CELA3A: variants seen among roughly 807,000 people sequenced by gnomAD.
CELA3A encodes the protein chymotrypsin-like elastase family member 3A.
A neutral mutation model predicts 38.6 loss-of-function variants in CELA3A; 35 were observed. That is an observed-to-expected ratio of 0.91 (90% CI 0.69 to 1.20). The LOEUF is 1.20. Among genes scored for constraint, CELA3A ranks in the 50% most tolerant of loss-of-function variants. The probability of loss-of-function intolerance (pLI) is 0.00; values close to 1 mark genes in which losing one functional copy is unlikely to be tolerated. For missense variants in CELA3A, 343 were observed against 354.2 expected (o/e 0.97, Z 0.25); for synonymous variants, 143 against 136.7 (o/e 1.05, Z -0.32).
intron 6 of CELA3A, among the ~76,000 whole-genome samples, chr1:22,009,401 C>T (rs749328182): frequency 8.6e-5 from 13 of 150,514 alleles, no homozygotes; most frequent in African/African-American, 1.5e-4. Context: ...AAAAATTAGC[C>T]GGGTGTGGTG....
intron 7 of CELA3A, 39 bp downstream of exon 7, chr1:22,009,896 T>C: frequency 1.3e-6 from 2 of 1,590,052 alleles, no homozygotes; most frequent in South Asian, 2.2e-5. Context: ...TTTAGGGTGG[T>C]GGCTCTTCTG....
At chr1:22,002,949 C>A in intron 1 of CELA3A, 54 bp from the exon 2 acceptor site, 1 of 1,515,854 alleles carries the variant, frequency 6.6e-7, no homozygotes, top group Non-Finnish European at 9.0e-7. Context: ...CCCTGGCCTC[C>A]TCTTTGCTTT....
In CELA3A at chr1:22,011,616, C is replaced by T. The variant is rs1474004063; in HGVS notation, c.796-834C>T. On this transcript the variant is annotated intron_variant, in intron 7 of 7. Coordinates refer to ENST00000290122, the MANE Select transcript of CELA3A (RefSeq NM_005747.5). ...TCTACAAAAATATAAAAAAATTGGC[C>T]AGGCGTGGTAGTGCGTCGCTGTAAT... Among the ~76,000 whole-genome samples the T allele has an allele frequency of 1.6e-5, 2 of 125,632 alleles. 1 individual carries two copies. Among genetic ancestry groups the T allele is most frequent in the Non-Finnish European group, 3.3e-5 (2 of 61,248 alleles). 82.4% of individuals were successfully genotyped at this position (125,632 alleles called of 152,430 possible).
rs1466142620 is a variant in CELA3A at position 22,011,795 on chromosome 1, C to A, written c.796-655C>A. Among the ~76,000 whole-genome samples the A allele has an allele frequency of 3.2e-5, 4 of 125,204 alleles. 1 individual carries two copies. Among genetic ancestry groups the A allele is most frequent in the Non-Finnish European group, 4.9e-5 (3 of 61,138 alleles). 82.1% of individuals were successfully genotyped at this position (125,204 alleles called of 152,430 possible). On this transcript the variant is annotated intron_variant, in intron 7 of 7. Transcript: ENST00000290122. ...AAAGGCCGGGCGTGGTGGCTCACAC[C>A]CGTAATCCCACCACTTTGGGAGGCC... is the stretch of plus-strand genomic sequence containing the variant.
At chr1:22,008,488 G>A (rs529878963) in intron 6 of CELA3A, among the ~76,000 whole-genome samples, 6 of 150,880 alleles carry the variant, frequency 4.0e-5, no homozygotes, top group East Asian at 3.9e-4. Context: ...GGCTGGGCGC[G>A]GTGGCTCACG....
chr1:22,004,865 C>T (rs1324013445), intron 2 of CELA3A, among the ~76,000 whole-genome samples: 2 of 151,256 alleles, frequency 1.3e-5, no homozygotes, highest in Admixed American at 6.6e-5. Flanking sequence ...TTCGGGAGGC[C>T]GAGGTGGGCA....
At chr1:22,008,325 AT>A (rs1644963396) in intron 6 of CELA3A, among the ~76,000 whole-genome samples, 2 of 149,846 alleles carry the variant, frequency 1.3e-5, no homozygotes, top group South Asian at 2.1e-4. Flanking sequence ...TAATTTTTAA[AT>A]TTTTTGTAGA....
intron 7 of CELA3A, among the ~76,000 whole-genome samples, chr1:22,011,405 A>AAAC (rs1644983076): frequency 1.0e-5 from 1 of 97,628 alleles, no homozygotes; most frequent in Admixed American, 1.4e-4. Flanking sequence ...ACAAACAAAC[A>AAAC]AAAAAACAGT....
rs75527968 is a variant in CELA3A, at chr1:22,005,748, A to G, written c.314A>G (p.Glu105Gly). The change falls in exon 4 of 8, where the codon GAG becomes GGG. Residue 105 changes from glutamate (E) to glycine (G), a missense_variant. Physicochemically the swap from Glu to Gly is moderately conservative, Grantham distance 98 (BLOSUM62 -2). Coordinates refer to ENST00000290122, the MANE Select transcript of CELA3A (RefSeq NM_005747.5). ...GAGCAGGTGATCCCCATCAACTCTG[A>G]GGAGCTGTTTGTGCATCCACTCTGG... The part of the protein sequence containing the change: ...GPEQVIPINS[E>G]ELFVHPLWNR... The G allele has an allele frequency of 8.4e-5, 135 of 1,610,346 alleles. 7 individuals carry two copies. The highest frequency in any genetic ancestry group is 7.4e-4 in the African/African-American group (55 of 74,122).
chr1:22,001,706 T>C lies in CELA3A; in HGVS notation c.32T>C (p.Leu11Pro). 6.2e-7 allele frequency: 1 copy of C among 1,612,150 alleles called. No individual in the cohort carries two copies. The highest frequency in any genetic ancestry group is 8.5e-7 in the Non-Finnish European group (1 of 1,179,422). Residue 11 changes from leucine to proline, a missense_variant, in exon 1 of 8, where the codon CTT becomes CCT. Leu to Pro is a moderately conservative substitution (Grantham distance 98). Coordinates refer to ENST00000290122, the MANE Select transcript of CELA3A (RefSeq NM_005747.5). MMLRLLSSLLLVAVASGYGPP... is the reference protein window; with the variant it reads MMLRLLSSLLPVAVASGYGPP... ...CTCCGGCTGCTCAGTTCCCTCCTCC[T>C]TGTGGCCGTTGGTAAGACCCCAACC...
Position 22,007,409 on chromosome 1 carries a change from G to A in CELA3A, c.536G>A (p.Arg179Gln), listed in dbSNP as rs374193746. The A allele has an allele frequency of 2.4e-5, 39 of 1,612,194 alleles. 1 individual carries two copies. Among genetic ancestry groups the A allele is most frequent in the Admixed American group, 1.3e-4 (8 of 59,888 alleles). The change falls in exon 6 of 8, where the codon CGG becomes CAG. Residue 179 changes from arginine to glutamine, a missense_variant. Arg to Gln is a conservative substitution (Grantham distance 43). Coordinates refer to ENST00000290122, the MANE Select transcript of CELA3A (RefSeq NM_005747.5). ...CTCCCAGACAAGCTGCAGCAGGCCC[G>A]GCTGCCCGTGGTGGACTATAAGCAC... ...GPLPDKLQQA[R>Q]LPVVDYKHCS...
intron 6 of CELA3A, among the ~76,000 whole-genome samples, chr1:22,009,103 C>A (rs1407031977): frequency 6.8e-6 from 1 of 148,106 alleles, no homozygotes; most frequent in Non-Finnish European, 1.5e-5. Context: ...CAGTGACTCA[C>A]GCCTGTAATC....
intron 1 of CELA3A, among the ~76,000 whole-genome samples, chr1:22,002,031 A>G (rs140868432): frequency 3.3e-4 from 50 of 150,886 alleles, no homozygotes; most frequent in Middle Eastern, 3.4e-3. Flanking sequence ...CCACAGTTCT[A>G]CTTACCACTC....
Position 22,005,675 on chromosome 1 carries a change from T to G in CELA3A, c.241T>G (p.Tyr81Asp), listed in dbSNP as rs1207562806. 6.2e-7 allele frequency: 1 copy of G among 1,612,404 alleles called. No individual in the cohort carries two copies. Among genetic ancestry groups the G allele is most frequent in the South Asian group, 1.1e-5 (1 of 91,016 alleles). The change falls in exon 4 of 8, where the codon TAC becomes GAC. Residue 81 changes from tyrosine to aspartate, a missense_variant. Physicochemically the swap from Tyr to Asp is radical, Grantham distance 160 (BLOSUM62 -3). Coordinates refer to ENST00000290122, the MANE Select transcript of CELA3A (RefSeq NM_005747.5). ...CTCTGCCTGCAGGAGGGATCTGACC[T>G]ACCAGGTGGTGTTGGGTGAGTACAA... ...AGHCISRDLT[Y>D]QVVLGEYNLA...
chr1:22,008,612 A>G (rs1457893205), intron 6 of CELA3A, among the ~76,000 whole-genome samples: 1 of 150,538 alleles, frequency 6.6e-6, no homozygotes, highest in African/African-American at 2.5e-5. Context: ...ACAAAAAGTT[A>G]GCCGGGTGTG....
rs534687596 is a variant in CELA3A, at chr1:22,002,883, C to T, written c.44-120C>T. 7.9e-5 allele frequency: 71 copies of T among 894,272 alleles called. 3 individuals carry two copies. In the East Asian group the frequency reaches 1.5e-3, roughly 19 times the overall value. 55.4% of individuals were successfully genotyped at this position (894,272 alleles called of 1,614,324 possible). A position where few individuals can be genotyped will look rare whatever the true frequency, so the allele number is the denominator to read the frequency against. On this transcript the variant is annotated intron_variant, in intron 1 of 7. Coordinates refer to ENST00000290122, the MANE Select transcript of CELA3A (RefSeq NM_005747.5). Reference sequence around the variant, plus strand: ...TATGTGGTTACTGAGGTCCAGAGGGCGAAAGGGGCTTGCATGGGGTCACAC... The same window carrying T: ...TATGTGGTTACTGAGGTCCAGAGGGTGAAAGGGGCTTGCATGGGGTCACAC...
In CELA3A at chr1:22,004,474, C is replaced by T. The variant is rs548322897; in HGVS notation, c.130-973C>T. Among the ~76,000 whole-genome samples the T allele has an allele frequency of 1.9e-3, 287 of 150,630 alleles. 6 individuals are homozygous for T. Among genetic ancestry groups the T allele is most frequent in the African/African-American group, 6.6e-3 (269 of 40,606 alleles). Reference sequence around the variant, plus strand: ...TTCCCATGATTATGGGAAGTTTTATCGGAGAGGGTCAGCAGGCTTATTCTG... The same window carrying T: ...TTCCCATGATTATGGGAAGTTTTATTGGAGAGGGTCAGCAGGCTTATTCTG... On this transcript the variant is annotated intron_variant, in intron 2 of 7. Transcript: ENST00000290122.
chr1:22,006,560 G>C (rs2152819539), intron 4 of CELA3A, among the ~76,000 whole-genome samples: 1 of 150,398 alleles, frequency 6.6e-6, no homozygotes, highest in African/African-American at 2.5e-5. Flanking sequence ...AAATTCCTCA[G>C]CCTTAAGAAC....
Position 22,011,678 on chromosome 1 carries a change from C to T in CELA3A, c.796-772C>T, listed in dbSNP as rs1158870287. The stretch of plus-strand genomic sequence containing the variant: ...GGGAGGTTGAGGCAGAAGAATTGCT[C>T]GAACTCAGGAGGCAGAGGTTGCAGT... On this transcript the variant is annotated intron_variant, in intron 7 of 7. Coordinates refer to ENST00000290122, the MANE Select transcript of CELA3A (RefSeq NM_005747.5). Among the ~76,000 whole-genome samples the T allele has an allele frequency of 7.5e-5, 9 of 120,762 alleles. 3 individuals carry two copies. The East Asian group carries it at 1.1e-3, about 15-fold the overall frequency. The allele number at this position is 120,762 out of a possible 152,430, so 79.2% of individuals were successfully genotyped here. A position where few individuals can be genotyped will look rare whatever the true frequency, so the allele number is the denominator to read the frequency against.
Sources: allele counts gnomAD v4.1 joint callset (sites outside exome capture counted in the v4.1 genomes callset), GRCh38; gene constraint gnomAD v4.1.1; transcripts MANE v1.5; gene names NCBI Gene and HGNC (gene_info 2026-07-23, HGNC 2026-07-21).